The following TRIM23 variants were observed in gnomAD, a reference collection of about 807,000 sequenced individuals.
TRIM23 encodes tripartite motif containing 23.
Under a neutral mutation model 71.0 loss-of-function variants are expected in TRIM23, and 27 were observed. The ratio of observed to expected loss-of-function variants is 0.38; its 90% CI spans 0.28 to 0.52. The LOEUF (loss-of-function observed/expected upper bound fraction) is 0.52. Ranked by LOEUF, TRIM23 falls within the 20% of genes least tolerant of loss-of-function variation. The pLI, the probability that TRIM23 is intolerant of heterozygous loss-of-function variation, is 0.84. For missense variants in TRIM23, 482 were observed against 692.3 expected (o/e 0.70, Z 3.41); for synonymous variants, 234 against 238.0 (o/e 0.98, Z 0.16).
chr5:65,592,646 T>A (rs1754076049), intron 10 of TRIM23, among the ~76,000 whole-genome samples: 1 of 152,180 alleles, frequency 6.6e-6, no homozygotes, highest in Non-Finnish European at 1.5e-5. Flanking sequence ...TGAACACCCA[T>A]TGCCCCAACT....
At chr5:65,598,762 A>T (rs1006566638) in intron 7 of TRIM23, among the ~76,000 whole-genome samples, 2 of 146,574 alleles carry the variant, frequency 1.4e-5, no homozygotes, top group African/African-American at 5.1e-5. Flanking sequence ...AAAAAAAAAA[A>T]CACATATTAA....
chr5:65,590,529 C>A lies in TRIM23; in HGVS notation c.*1240G>T. On this transcript the variant is annotated 3_prime_UTR_variant, in exon 11 of 11. Transcript: ENST00000231524. ...AATAAGATTTAAGATTTAACTTCAT[C>A]CTAATGTATCAGAACATTAAAAAAA... The A allele has an allele frequency of 8.9e-7, 1 of 1,125,280 alleles. No homozygotes were observed. The highest frequency in any genetic ancestry group is 4.4e-5 in the South Asian group (1 of 22,862). 69.7% of individuals were successfully genotyped at this position (1,125,280 alleles called of 1,614,324 possible).
chr5:65,591,665 A>ATATATG lies in TRIM23; in HGVS notation c.*103_*104insCATATA. On this transcript the variant is annotated 3_prime_UTR_variant, in exon 11 of 11. Transcript: ENST00000231524. ...TTCCTTTATATATATATATATATAT[A>ATATATG]TGCATCCTAAATTACCATCTTTTGA... 1 of 1,033,520 alleles carries ATATATG rather than the reference A, an allele frequency of 9.7e-7. No homozygotes were observed. The highest frequency in any genetic ancestry group is 1.3e-6 in the Non-Finnish European group (1 of 775,908). 64.0% of individuals were successfully genotyped at this position (1,033,520 alleles called of 1,614,324 possible). A position where few individuals can be genotyped will look rare whatever the true frequency, so the allele number is the denominator to read the frequency against.
intron 9 of TRIM23, among the ~76,000 whole-genome samples, chr5:65,595,845 G>A (rs545174672): frequency 2.0e-5 from 3 of 152,074 alleles, no homozygotes; most frequent in Admixed American, 6.5e-5. Context: ...CAGAATAAGC[G>A]GCATGAGCGT....
intron 10 of TRIM23, among the ~76,000 whole-genome samples, chr5:65,593,412 T>A (rs891450551): frequency 2.0e-5 from 3 of 152,256 alleles, no homozygotes; most frequent in African/African-American, 7.2e-5. Context: ...TCCAGCCTGG[T>A]GACAGAGCAA....
chr5:65,611,821 C>A lies in TRIM23; in HGVS notation c.427G>T (p.Ala143Ser), dbSNP rs1754657911. 6.2e-7 allele frequency: 1 copy of A among 1,614,040 alleles called. No individual in the cohort carries two copies. Among genetic ancestry groups the A allele is most frequent in the Non-Finnish European group, 8.5e-7 (1 of 1,180,016 alleles). The change falls in exon 4 of 11, where the codon GCA (alanine) becomes TCA (serine). Residue 143 changes from alanine to serine, a missense_variant. By Grantham distance (99) the Ala-to-Ser change is moderately conservative. Around this residue, in one of 2 missense-constraint regions of TRIM23, gnomAD observed 175 missense variants for 196.5 expected, o/e 0.89. Transcript: ENST00000231524. ...GAACACTCAGAGCACAAATGAGTTG[C>A]ACACACAGTGCAATATACAGAGGCA... Reference protein sequence around the residue: ...HLASVYCTVCATHLCSECSQV... With the variant: ...HLASVYCTVCSTHLCSECSQV...
chr5:65,606,204 G>A (rs968972966), intron 6 of TRIM23, among the ~76,000 whole-genome samples: 2 of 152,160 alleles, frequency 1.3e-5, no homozygotes, highest in African/African-American at 4.8e-5. Flanking sequence ...AGCACTTTGG[G>A]AGGCCAAGGC....
intron 7 of TRIM23, among the ~76,000 whole-genome samples, chr5:65,598,696 C>G (rs1250908540): frequency 2.0e-5 from 3 of 151,528 alleles, no homozygotes; most frequent in Admixed American, 6.6e-5. Flanking sequence ...TGCAGTGAGC[C>G]GAGATCGCGC....
intron 6 of TRIM23, 40 bp downstream of exon 6, chr5:65,609,203 A>C: frequency 6.3e-7 from 1 of 1,597,624 alleles, no homozygotes; most frequent in Non-Finnish European, 8.6e-7. Context: ...TATCTACTTA[A>C]ACTTACAACT....
chr5:65,592,974 A>T (rs749594194), intron 10 of TRIM23, among the ~76,000 whole-genome samples: 4 of 152,236 alleles, frequency 2.6e-5, no homozygotes, highest in Non-Finnish European at 5.9e-5. Flanking sequence ...ATACATAAAC[A>T]TACATACACA....
intron 7 of TRIM23, among the ~76,000 whole-genome samples, chr5:65,602,335 A>T (rs1003242776): frequency 6.6e-6 from 1 of 152,190 alleles, no homozygotes; most frequent in African/African-American, 2.4e-5. Context: ...AACAGTAACA[A>T]GAGTCACCTT....
At chr5:65,600,347 GC>G (rs1754327640) in intron 7 of TRIM23, among the ~76,000 whole-genome samples, 3 of 152,072 alleles carry the variant, frequency 2.0e-5, no homozygotes. Flanking sequence ...AGAAGAGAGA[GC>G]CCAGAAATAA....
At chr5:65,612,861 AT>A (rs1366064466) in intron 3 of TRIM23, among the ~76,000 whole-genome samples, 3 of 152,176 alleles carry the variant, frequency 2.0e-5, no homozygotes, top group Non-Finnish European at 4.4e-5. Context: ...ATATGTAAGC[AT>A]GTAAATATTA....
chr5:65,614,145 T>C lies in TRIM23; in HGVS notation c.319A>G (p.Ile107Val), dbSNP rs761499937. Reference sequence around the variant, plus strand: ...TCTTCTGCAGCTCCATACTGACCAATAGGCCCATTCTGCAGTCGTTCCAAA... The same window carrying C: ...TCTTCTGCAGCTCCATACTGACCAACAGGCCCATTCTGCAGTCGTTCCAAA... Reference protein sequence around the residue: ...ELLERLQNGPIGQYGAAEESI... With the variant: ...ELLERLQNGPVGQYGAAEESI... The change falls in exon 3 of 11, where the codon ATT becomes GTT. Residue 107 changes from isoleucine (I) to valine (V), a missense_variant. By Grantham distance (29) the Ile-to-Val change is conservative. This residue lies in a region of TRIM23 where 175 missense variants were observed against 196.5 expected (regional missense o/e 0.89). Transcript: ENST00000231524. The C allele has an allele frequency of 8.7e-6, 14 of 1,613,950 alleles. No homozygotes were observed. Among genetic ancestry groups the C allele is most frequent in the African/African-American group, 6.7e-5 (5 of 74,908 alleles).
At chr5:65,610,813 T>G (rs371437000) in intron 5 of TRIM23, 48 bp downstream of exon 5, 3 of 1,486,402 alleles carry the variant, frequency 2.0e-6, no homozygotes, top group African/African-American at 1.4e-5. Context: ...GGTGAAAATA[T>G]GAAAAATAAA....
Position 65,611,002 on chromosome 5 carries a change from T to C in TRIM23, c.687A>G (p.Ser229=), listed in dbSNP as rs371651086. The change falls in exon 5 of 11, where the codon TCA becomes TCG. Residue 229 remains serine, a synonymous_variant. Transcript: ENST00000231524. The part of the protein sequence containing the change: ...LEPEANQIRA[S]ILDMAHCIRT... ...GTATGCAGTGAGCCATATCTAAAAT[T>C]GATGCTCGGATCTGATTAGCTTCTG... is the stretch of plus-strand genomic sequence containing the variant. 6.2e-7 allele frequency: 1 copy of C among 1,613,328 alleles called. No individual in the cohort carries two copies. Among genetic ancestry groups the C allele is most frequent in the Non-Finnish European group, 8.5e-7 (1 of 1,179,800 alleles).
At chr5:65,596,603 C>A (rs1032018950) in intron 8 of TRIM23, 72 bp from the exon 9 acceptor site, 3 of 903,364 alleles carry the variant, frequency 3.3e-6, no homozygotes, top group Non-Finnish European at 5.2e-6. Flanking sequence ...ACACAGACAA[C>A]CCCCAGTTTA....
chr5:65,601,796 T>A (rs1161449009), intron 7 of TRIM23, among the ~76,000 whole-genome samples: 7 of 152,162 alleles, frequency 4.6e-5, no homozygotes, highest in Non-Finnish European at 1.0e-4. Context: ...CAACACCACA[T>A]GGAAGCTGCC....
rs1477559928 is a variant in TRIM23, at chr5:65,591,929, G to T, written c.1565C>A (p.Ser522Ter). 6.2e-7 allele frequency: 1 copy of T among 1,613,324 alleles called. No homozygotes were observed. The highest frequency in any genetic ancestry group is 8.5e-7 in the Non-Finnish European group (1 of 1,179,700). Residue 522 changes from serine (S) to a stop codon, truncating the protein, a stop_gained, in exon 11 of 11, where the codon TCA (serine) becomes TAA (stop). Transcript: ENST00000231524. LOFTEE classifies it high-confidence loss of function. ...GAGTAGTTCAGTGATTTCTTCTACT[G>T]ACAGTGCTCCAGCAACATCCTGAAA... ...ANKQDVAGAL[S>*]VEEITELLSL...
Sources: allele counts gnomAD v4.1 joint callset (sites outside exome capture counted in the v4.1 genomes callset), GRCh38; gene constraint gnomAD v4.1.1; regional missense constraint gnomAD v4.1.1; transcripts MANE v1.5; gene names NCBI Gene and HGNC (gene_info 2026-07-23, HGNC 2026-07-21).